SH3GL3: variants seen among roughly 807,000 people sequenced by gnomAD.
The protein encoded by SH3GL3 is SH3 domain containing GRB2 like 3, endophilin A3.
Under a neutral mutation model 47.7 loss-of-function variants are expected in SH3GL3, and 33 were observed. The observed-to-expected ratio is 0.69, with a 90% CI of 0.52 to 0.92. The LOEUF (loss-of-function observed/expected upper bound fraction) is 0.92, where lower values mean the gene tolerates loss of function less well. SH3GL3 is among the 40% of genes least tolerant of loss of function. The probability of loss-of-function intolerance (pLI) is 0.00; values close to 1 mark genes in which losing one functional copy is unlikely to be tolerated. For synonymous variants in SH3GL3, 155 were observed against 148.8 expected (o/e 1.04, Z -0.30); for missense variants, 363 against 417.8 (o/e 0.87, Z 1.14).
At chr15:83,485,976 A>G (rs1244621182) in intron 1 of SH3GL3, among the ~76,000 whole-genome samples, 1 of 152,230 alleles carries the variant, frequency 6.6e-6, no homozygotes, top group African/African-American at 2.4e-5. Flanking sequence ...TTCCTGAAGC[A>G]TTTTAACAGA....
intron 1 of SH3GL3, among the ~76,000 whole-genome samples, chr15:83,517,335 G>C (rs537836337): frequency 7.9e-5 from 12 of 151,732 alleles, no homozygotes; most frequent in African/African-American, 2.4e-4. Flanking sequence ...CACCCGAGTA[G>C]CTGGGATTAC....
intron 8 of SH3GL3, among the ~76,000 whole-genome samples, chr15:83,590,274 A>G (rs1430395260): frequency 1.3e-5 from 2 of 152,090 alleles, no homozygotes; most frequent in Non-Finnish European, 2.9e-5. Flanking sequence ...TGCTTTGAGT[A>G]TACAGAAGCT....
rs551074225 is a variant in SH3GL3 at position 83,608,200 on chromosome 15, C to A, written c.839-9882C>A. ...AAGTAATTTCAATAAATCACATCTCCTGTGGATAAATACAGGGCTGTTATT... is the reference window on the plus strand; with the variant it reads ...AAGTAATTTCAATAAATCACATCTCATGTGGATAAATACAGGGCTGTTATT... On this transcript the variant is annotated intron_variant, in intron 8 of 8. Coordinates refer to ENST00000427482, the MANE Select transcript of SH3GL3 (RefSeq NM_003027.5). 1.2e-4 allele frequency among the ~76,000 whole-genome samples: 18 copies of A among 152,244 alleles called. 1 individual carries two copies. Among genetic ancestry groups the A allele is most frequent in the Admixed American group, 1.2e-3 (18 of 15,294 alleles).
chr15:83,594,381 C>A (rs752670510), intron 8 of SH3GL3, among the ~76,000 whole-genome samples: 8 of 152,174 alleles, frequency 5.3e-5, no homozygotes, highest in Non-Finnish European at 8.8e-5. Flanking sequence ...TTTAGACTTA[C>A]AGAAAAGTTG....
chr15:83,589,636 T>C (rs909130663), intron 8 of SH3GL3, among the ~76,000 whole-genome samples: 14 of 152,338 alleles, frequency 9.2e-5, no homozygotes, highest in African/African-American at 3.1e-4. Context: ...CTCGGCCTTC[T>C]GAAGTGCTGG....
At chr15:83,472,574 A>G (rs544016637) in intron 1 of SH3GL3, among the ~76,000 whole-genome samples, 3 of 152,028 alleles carry the variant, frequency 2.0e-5, no homozygotes, top group African/African-American at 7.2e-5. Flanking sequence ...TCTTCTTCAT[A>G]TGTTCCATTT....
rs779536149 is a variant in SH3GL3, at chr15:83,488,530, T to A, written c.45+40952T>A. 1.1e-3 allele frequency among the ~76,000 whole-genome samples: 175 copies of A among 152,332 alleles called. 1 individual carries two copies. Among genetic ancestry groups the A allele is most frequent in the Non-Finnish European group, 2.2e-3 (149 of 68,034 alleles). On this transcript the variant is annotated intron_variant, in intron 1 of 8. Transcript: ENST00000427482. ...GGGTCACTGTTAGCCCACATGGTGC[T>A]CTTTGTATGAGTTAGAAAAATACGC...
At chr15:83,527,725 T>C (rs1177156471) in intron 1 of SH3GL3, among the ~76,000 whole-genome samples, 4 of 152,216 alleles carry the variant, frequency 2.6e-5, no homozygotes, top group African/African-American at 9.6e-5. Flanking sequence ...ATTATTGATA[T>C]GCGAGGACTT....
intron 8 of SH3GL3, among the ~76,000 whole-genome samples, chr15:83,595,799 T>G (rs1412358832): frequency 6.6e-6 from 1 of 152,342 alleles, no homozygotes; most frequent in East Asian, 1.9e-4. Flanking sequence ...CATAATATTC[T>G]GTTATTATCC....
intron 1 of SH3GL3, among the ~76,000 whole-genome samples, chr15:83,535,611 G>A (rs906165728): frequency 6.6e-6 from 1 of 152,164 alleles, no homozygotes; most frequent in Non-Finnish European, 1.5e-5. Flanking sequence ...CTGGGAACAC[G>A]GGGTCCCAGA....
chr15:83,556,887 G>T (rs2151736019), intron 1 of SH3GL3, among the ~76,000 whole-genome samples: 1 of 152,346 alleles, frequency 6.6e-6, no homozygotes, highest in African/African-American at 2.4e-5. Context: ...ATGGCCCGAG[G>T]TTGCTCAGGT....
intron 1 of SH3GL3, among the ~76,000 whole-genome samples, chr15:83,499,924 G>A (rs1290122509): frequency 6.6e-6 from 1 of 152,164 alleles, no homozygotes; most frequent in Admixed American, 6.5e-5. Context: ...GCAACTCCCT[G>A]ATATTTAAAA....
At chr15:83,512,553 T>C (rs1325263962) in intron 1 of SH3GL3, among the ~76,000 whole-genome samples, 1 of 152,202 alleles carries the variant, frequency 6.6e-6, no homozygotes, top group African/African-American at 2.4e-5. Flanking sequence ...TGGGCTTTCC[T>C]GCACATTAGA....
intron 1 of SH3GL3, among the ~76,000 whole-genome samples, chr15:83,522,194 A>T (rs2043233980): frequency 6.6e-6 from 1 of 152,152 alleles, no homozygotes. Flanking sequence ...AGAATGTGGG[A>T]GAAGAGTTGA....
At chr15:83,514,223 T>G (rs1407012425) in intron 1 of SH3GL3, among the ~76,000 whole-genome samples, 1 of 152,240 alleles carries the variant, frequency 6.6e-6, no homozygotes, top group East Asian at 1.9e-4. Flanking sequence ...TCCTTTGGAT[T>G]TCCAGACCTA....
intron 8 of SH3GL3, among the ~76,000 whole-genome samples, chr15:83,615,338 G>A (rs1253557306): frequency 6.6e-6 from 1 of 152,032 alleles, no homozygotes; most frequent in Non-Finnish European, 1.5e-5. Context: ...TTTTTGAGAT[G>A]GAGTCTCACT....
intron 1 of SH3GL3, among the ~76,000 whole-genome samples, chr15:83,466,779 A>G (rs945377539): frequency 6.6e-6 from 1 of 152,132 alleles, no homozygotes; most frequent in Non-Finnish European, 1.5e-5. Flanking sequence ...TTGTGGTTTT[A>G]ATTTGCGTTT....
intron 1 of SH3GL3, among the ~76,000 whole-genome samples, chr15:83,475,001 G>C (rs1252507370): frequency 6.6e-6 from 1 of 151,774 alleles, no homozygotes; most frequent in East Asian, 1.9e-4. Context: ...AATCTTTTGA[G>C]AACAGGATGC....
In SH3GL3 at chr15:83,573,693, G is replaced by C. The variant is rs183155207; in HGVS notation, c.465+995G>C. Among the ~76,000 whole-genome samples, 270 of 152,304 alleles carry C rather than the reference G, an allele frequency of 1.8e-3. 1 individual carries two copies. Among genetic ancestry groups the C allele is most frequent in the African/African-American group, 6.2e-3 (256 of 41,562 alleles). On this transcript the variant is annotated intron_variant, in intron 5 of 8. Transcript: ENST00000427482. ...CCCTGCTTGGACCGTGGGCCTTGAGGTGGCTCCATATTCCAGGGGCCAGAG... is the reference window on the plus strand; with the variant it reads ...CCCTGCTTGGACCGTGGGCCTTGAGCTGGCTCCATATTCCAGGGGCCAGAG...
Sources: allele counts gnomAD v4.1 joint callset (sites outside exome capture counted in the v4.1 genomes callset), GRCh38; gene constraint gnomAD v4.1.1; transcripts MANE v1.5; gene names NCBI Gene and HGNC (gene_info 2026-07-23, HGNC 2026-07-21).